The following TTLL1 variants were observed in gnomAD, a reference collection of about 807,000 sequenced individuals.
The protein encoded by TTLL1 is TTL family tubulin polyglutamylase complex subunit L1, also known as polyglutamylase complex subunit TTLL1.
Under a neutral mutation model 47.8 loss-of-function variants are expected in TTLL1, and 33 were observed. That is an observed-to-expected ratio of 0.69 (90% confidence interval 0.52 to 0.92). The LOEUF is 0.92. Ranked by LOEUF, TTLL1 falls within the 40% of genes least tolerant of loss-of-function variation. The pLI, the probability that TTLL1 is intolerant of heterozygous loss-of-function variation, is 0.00. For synonymous variants in TTLL1, 225 were observed against 214.1 expected (o/e 1.05, Z -0.45); for missense variants, 488 against 547.5 (o/e 0.89, Z 1.08).
intron 5 of TTLL1, among the ~76,000 whole-genome samples, chr22:43,065,545 C>CT (rs1225165408): frequency 6.6e-6 from 1 of 152,034 alleles, no homozygotes; most frequent in Non-Finnish European, 1.5e-5. Context: ...CTGCCTTGGC[C>CT]TCCCAAAGTG....
At chr22:43,073,359 A>ATTTAT (rs1569441675) in intron 3 of TTLL1, among the ~76,000 whole-genome samples, 4 of 110,082 alleles carry the variant, frequency 3.6e-5, no homozygotes, top group East Asian at 3.6e-4. Context: ...TTATTTATTT[A>ATTTAT]TTTATTTTAT....
intron 1 of TTLL1, among the ~76,000 whole-genome samples, chr22:43,084,503 G>A (rs1194086403): frequency 4.1e-5 from 6 of 147,552 alleles, no homozygotes; most frequent in Non-Finnish European, 6.0e-5. Context: ...CTTTTTCTAG[G>A]TTTCTTTTCT....
At chr22:43,045,647 A>G (rs1274496926) in intron 10 of TTLL1, among the ~76,000 whole-genome samples, 1 of 152,016 alleles carries the variant, frequency 6.6e-6, no homozygotes, top group Non-Finnish European at 1.5e-5. Context: ...ACTGAGGCTC[A>G]AACAGTTGCA....
chr22:43,057,402 GC>G (rs1361759770), intron 8 of TTLL1, among the ~76,000 whole-genome samples: 7 of 151,998 alleles, frequency 4.6e-5, no homozygotes, highest in African/African-American at 1.7e-4. Context: ...GAGCCACTGT[GC>G]CCGGCCAATT....
chr22:43,039,952 C>A, intron 10 of TTLL1, 47 bp from the exon 11 acceptor site: 1 of 1,593,178 alleles, frequency 6.3e-7, no homozygotes. Flanking sequence ...CTTTCAAAGG[C>A]AACAGGCAGG....
intron 10 of TTLL1, chr22:43,040,391 C>G (rs1490226775): frequency 6.5e-6 from 1 of 154,540 alleles, no homozygotes; most frequent in African/African-American, 2.4e-5. Context: ...GGCAGAGAGG[C>G]CCCACGGTGC....
At chr22:43,074,383 C>T (rs919140633) in intron 3 of TTLL1, among the ~76,000 whole-genome samples, 3 of 147,426 alleles carry the variant, frequency 2.0e-5, no homozygotes, top group African/African-American at 7.6e-5. Context: ...GCCGAGATTG[C>T]CCCATGGCAC....
Position 43,055,895 on chromosome 22 carries a change from T to C in TTLL1, c.891+3489A>G, listed in dbSNP as rs564172762. ...GGCCTTAATTTTCCACAGAGAATGT[T>C]TCTTTTTTTGTCTTTTTTTTTCCCT... On this transcript the variant is annotated intron_variant, in intron 8 of 10. Coordinates refer to ENST00000266254, the MANE Select transcript of TTLL1 (RefSeq NM_012263.5). 8.8e-4 allele frequency among the ~76,000 whole-genome samples: 133 copies of C among 151,912 alleles called. 2 individuals are homozygous for C. In the South Asian group the frequency reaches 0.027, roughly 31 times the overall value.
chr22:43,075,780 G>T (rs374436196), intron 2 of TTLL1, among the ~76,000 whole-genome samples, 190 bp from the exon 3 acceptor site: 1 of 152,164 alleles, frequency 6.6e-6, no homozygotes, highest in Admixed American at 6.6e-5. Context: ...CATGACCAGG[G>T]GATGCCTCTG....
intron 1 of TTLL1, among the ~76,000 whole-genome samples, chr22:43,087,247 G>A (rs1929281643): frequency 6.6e-6 from 1 of 152,204 alleles, no homozygotes; most frequent in South Asian, 2.1e-4. Flanking sequence ...CCACATGTGA[G>A]CAGCACCTGG....
chr22:43,044,101 G>A (rs1175345754), intron 10 of TTLL1, among the ~76,000 whole-genome samples: 1 of 150,504 alleles, frequency 6.6e-6, no homozygotes, highest in East Asian at 2.0e-4. Flanking sequence ...CCTCCTCCCC[G>A]AGAGACTGCC....
intron 1 of TTLL1, among the ~76,000 whole-genome samples, chr22:43,081,097 G>A (rs541570099): frequency 6.6e-6 from 1 of 151,580 alleles, no homozygotes; most frequent in African/African-American, 2.4e-5. Context: ...TGTATTTTTA[G>A]TAGAGACAGG....
intron 2 of TTLL1, among the ~76,000 whole-genome samples, chr22:43,078,567 G>C (rs543433053): frequency 6.6e-6 from 1 of 151,966 alleles, no homozygotes; most frequent in Non-Finnish European, 1.5e-5. Flanking sequence ...GAGTCCGGGT[G>C]CCCTGATTCA....
chr22:43,059,328 C>T (rs1927239857), intron 8 of TTLL1, 56 bp downstream of exon 8: 15 of 1,564,274 alleles, frequency 9.6e-6, no homozygotes, highest in East Asian at 2.3e-5. Context: ...GACAGCAAGC[C>T]CCCCCACTCC....
chr22:43,087,755 T>C (rs1271256122), intron 1 of TTLL1, among the ~76,000 whole-genome samples: 1 of 149,322 alleles, frequency 6.7e-6, no homozygotes, highest in Admixed American at 6.8e-5. Flanking sequence ...GGAGGATTGC[T>C]TGAACCCGGG....
At chr22:43,053,265 C>T (rs907104065) in intron 8 of TTLL1, among the ~76,000 whole-genome samples, 10 of 152,014 alleles carry the variant, frequency 6.6e-5, no homozygotes, top group Non-Finnish European at 1.2e-4. Context: ...TAGAGGGCAT[C>T]GGACTCCGCT....
chr22:43,050,994 A>G (rs992975531), intron 9 of TTLL1, among the ~76,000 whole-genome samples: 1 of 152,208 alleles, frequency 6.6e-6, no homozygotes, highest in Non-Finnish European at 1.5e-5. Flanking sequence ...GACTCTACCC[A>G]TAGGGAACCA....
rs375359707 is a variant in TTLL1 at position 43,078,515 on chromosome 22, AC to A, written c.-5+1386del. ...TGTCAGAAAAGAAAAGGAAGGAAAA[AC>A]AAAAGAGAAGAGAAGAGAAGAAAAG... On this transcript the variant is annotated intron_variant, in intron 2 of 10. Transcript: ENST00000266254. Among the ~76,000 whole-genome samples, 5 of 151,968 alleles carry A rather than the reference AC, an allele frequency of 3.3e-5. No individual in the cohort carries two copies. The South Asian group carries it at 6.2e-4, about 19-fold the overall frequency.
In TTLL1 at chr22:43,064,234, G is replaced by A; in HGVS notation, c.594C>T (p.Arg198=). The A allele has an allele frequency of 6.2e-7, 1 of 1,614,174 alleles. No homozygotes were observed. The highest frequency in any genetic ancestry group is 8.5e-7 in the Non-Finnish European group (1 of 1,180,042). Residue 198 remains arginine, a synonymous_variant, in exon 6 of 11, where the codon CGC becomes CGT. Transcript: ENST00000266254. ...GGTACGTGGACACCAGAACGTACAA[G>A]CGCAGGTCGAACTTCCTCCCGCCAA... is the stretch of plus-strand genomic sequence containing the variant. ...LLIGGRKFDL[R]LYVLVSTYRP... is the part of the protein sequence containing the mutation.
Sources: gnomAD v4.1 joint callset for allele counts (sites outside exome capture counted in the v4.1 genomes callset) on GRCh38, gnomAD v4.1.1 for gene constraint, MANE v1.5 for transcripts, NCBI Gene and HGNC (gene_info 2026-07-23, HGNC 2026-07-21) for gene names.